The following PIK3C2A variants were observed in gnomAD, a reference collection of about 807,000 sequenced individuals.
PIK3C2A encodes phosphatidylinositol 4-phosphate 3-kinase C2 domain-containing subunit alpha.
In PIK3C2A, 97 loss-of-function variants were observed where a neutral mutation model predicts 204.5. The ratio of observed to expected loss-of-function variants is 0.47; its 90% CI spans 0.40 to 0.56. PIK3C2A has a LOEUF of 0.56. PIK3C2A is among the 20% of genes least tolerant of loss of function. The pLI, the probability that PIK3C2A is intolerant of heterozygous loss-of-function variation, is 0.00. For missense variants in PIK3C2A, 1,735 were observed against 1,969.2 expected (o/e 0.88, Z 2.25); for synonymous variants, 653 against 664.4 (o/e 0.98, Z 0.26).
chr11:17,134,607 C>T (rs1019011957), intron 11 of PIK3C2A, among the ~76,000 whole-genome samples: 1 of 152,068 alleles, frequency 6.6e-6, no homozygotes, highest in African/African-American at 2.4e-5. Context: ...GTGATCCACC[C>T]GCTTCAGCCT....
chr11:17,095,450 G>GCC (rs935049352), intron 27 of PIK3C2A, among the ~76,000 whole-genome samples: 47 of 150,516 alleles, frequency 3.1e-4, no homozygotes, highest in African/African-American at 1.1e-3. Flanking sequence ...AATGAGCCGG[G>GCC]CGTGGTGGTG....
chr11:17,159,900 G>C (rs1335213127), intron 2 of PIK3C2A, among the ~76,000 whole-genome samples: 2 of 152,168 alleles, frequency 1.3e-5, no homozygotes, highest in Non-Finnish European at 2.9e-5. Flanking sequence ...CAGCTTCAAA[G>C]CAGTCAAGCA....
chr11:17,115,023 T>C (rs1008267173), intron 19 of PIK3C2A, among the ~76,000 whole-genome samples: 3 of 152,184 alleles, frequency 2.0e-5, no homozygotes, highest in Non-Finnish European at 2.9e-5. Flanking sequence ...ATAGAGGTAA[T>C]AGTTTATAAT....
chr11:17,162,110 T>C (rs1800090412), intron 2 of PIK3C2A, among the ~76,000 whole-genome samples: 1 of 151,938 alleles, frequency 6.6e-6, no homozygotes, highest in Non-Finnish European at 1.5e-5. Flanking sequence ...CTGAGGTGGG[T>C]GGATCACCTG....
At chr11:17,102,530 A>T in intron 24 of PIK3C2A, 132 bp downstream of exon 24, 2 of 655,132 alleles carry the variant, frequency 3.1e-6, no homozygotes, top group Non-Finnish European at 5.4e-6. Context: ...TGGTATGGTC[A>T]TATCTTTGGG....
chr11:17,138,278 T>C, intron 8 of PIK3C2A: 1 of 716,944 alleles, frequency 1.4e-6, no homozygotes, highest in Non-Finnish European at 2.5e-6. Flanking sequence ...TAGGAAAGCC[T>C]ATGAGGATAT....
chr11:17,089,999 G>A (rs1848257047), intron 32 of PIK3C2A, 79 bp from the exon 33 acceptor site: 1 of 1,066,260 alleles, frequency 9.4e-7, no homozygotes, highest in Admixed American at 2.2e-5. Context: ...GTGAAAACGT[G>A]AGAATATTAG....
chr11:17,204,640 C>A (rs1013092014), intron 1 of PIK3C2A, among the ~76,000 whole-genome samples: 1 of 152,098 alleles, frequency 6.6e-6, no homozygotes, highest in Admixed American at 6.6e-5. Context: ...CGTTGTCTTC[C>A]AAATGGATGA....
At chr11:17,200,186 A>G (rs562169514) in intron 1 of PIK3C2A, among the ~76,000 whole-genome samples, 4 of 86,158 alleles carry the variant, frequency 4.6e-5, no homozygotes, top group Admixed American at 3.7e-4. Context: ...ACTGCATTTC[A>G]AAAAAAAAAA....
intron 8 of PIK3C2A, among the ~76,000 whole-genome samples, chr11:17,145,025 C>T (rs1167614003): frequency 6.6e-6 from 1 of 151,710 alleles, no homozygotes; most frequent in African/African-American, 2.4e-5. Flanking sequence ...GCTGTATTTA[C>T]CCCACGCCTG....
At chr11:17,109,495 G>A (rs1448798925) in intron 22 of PIK3C2A, among the ~76,000 whole-genome samples, 1 of 152,162 alleles carries the variant, frequency 6.6e-6, no homozygotes. Flanking sequence ...GCTATTAGTA[G>A]AAAATAACTT....
intron 4 of PIK3C2A, among the ~76,000 whole-genome samples, chr11:17,150,136 G>A (rs1850380303): frequency 6.6e-6 from 1 of 152,124 alleles, no homozygotes; most frequent in African/African-American, 2.4e-5. Context: ...CTTCTCCACA[G>A]AAGAACTTAG....
Position 17,086,662 on chromosome 11 carries a change from AT to A in PIK3C2A, c.*3075del, listed in dbSNP as rs2137248983. Reference sequence around the variant, plus strand: ...GAATATATTCAAGGTATTAATAAAAATATTATACATCTTTATTCACTATCTT... The same window carrying A: ...GAATATATTCAAGGTATTAATAAAAAATTATACATCTTTATTCACTATCTT... On this transcript the variant is annotated 3_prime_UTR_variant, in exon 33 of 33. Transcript: ENST00000691414. 6.6e-6 allele frequency: 1 copy of A among 152,344 alleles called. No homozygotes were observed. Among genetic ancestry groups the A allele is most frequent in the South Asian group, 2.1e-4 (1 of 4,832 alleles). The allele number at this position is 152,344 out of a possible 1,614,324, so 9.4% of individuals were successfully genotyped here.
In PIK3C2A at chr11:17,094,216, G is replaced by A. The variant is rs764512776; in HGVS notation, c.4451+45C>T. On this transcript the variant is annotated intron_variant, in intron 28 of 32. Transcript: ENST00000691414. ...GCTTTCTACCTACATTTGATAACAA[G>A]TTGTTTCCTACAAAAAGGATTAATG... 5.4e-6 allele frequency: 8 copies of A among 1,472,000 alleles called. No homozygotes were observed. The South Asian group carries it at 9.7e-5, about 18-fold the overall frequency. 91.2% of individuals were successfully genotyped at this position (1,472,000 alleles called of 1,614,324 possible).
At chr11:17,166,953 G>C (rs1329380902) in intron 2 of PIK3C2A, among the ~76,000 whole-genome samples, 1 of 152,100 alleles carries the variant, frequency 6.6e-6, no homozygotes, top group African/African-American at 2.4e-5. Flanking sequence ...AAATTAGGGG[G>C]ACCAGTGCCT....
Position 17,150,512 on chromosome 11 carries a change from G to C in PIK3C2A, c.1313C>G (p.Thr438Ser). ...IDIEGFQLPV[T>S]FTCDVSSTVE... ...CATAAACCTACCATCACACGTAAAA[G>C]TAACTGGTAGCTGAAATCCTTCAAT... Residue 438 changes from threonine to serine, a missense_variant, in exon 4 of 33, where the codon ACT becomes AGT. By Grantham distance (58) the Thr-to-Ser change is moderately conservative. Coordinates refer to ENST00000691414, the MANE Select transcript of PIK3C2A (RefSeq NM_002645.4). The C allele has an allele frequency of 6.2e-7, 1 of 1,604,790 alleles. No homozygotes were observed. Among genetic ancestry groups the C allele is most frequent in the Non-Finnish European group, 8.5e-7 (1 of 1,175,914 alleles).
Position 17,169,449 on chromosome 11 carries a change from G to C in PIK3C2A, c.293C>G (p.Ala98Gly). The change falls in exon 2 of 33, where the codon GCT becomes GGT. Residue 98 changes from alanine (A) to glycine (G), a missense_variant. Around this residue, in one of 6 missense-constraint regions of PIK3C2A, gnomAD observed 536 missense variants for 546.7 expected, o/e 0.98. Transcript: ENST00000691414. ...LDIDVEKLTQ[A>G]ELEKLLLDDS... Reference sequence around the variant, plus strand: ...ATCCAGCAATAGTTTCTCAAGTTCAGCTTGGGTGAGCTTTTCTACATCAAT... The same window carrying C: ...ATCCAGCAATAGTTTCTCAAGTTCACCTTGGGTGAGCTTTTCTACATCAAT... 6.2e-7 allele frequency: 1 copy of C among 1,614,110 alleles called. No homozygotes were observed. Among genetic ancestry groups the C allele is most frequent in the Admixed American group, 1.7e-5 (1 of 60,020 alleles).
chr11:17,126,328 G>T (rs1163803061), intron 13 of PIK3C2A, among the ~76,000 whole-genome samples: 2 of 152,050 alleles, frequency 1.3e-5, no homozygotes, highest in Admixed American at 6.6e-5. Context: ...ATGGCGGGAA[G>T]ATGGATCACT....
At chr11:17,109,250 C>T (rs1050324563) in intron 22 of PIK3C2A, among the ~76,000 whole-genome samples, 1 of 152,180 alleles carries the variant, frequency 6.6e-6, no homozygotes, top group East Asian at 1.9e-4. Flanking sequence ...GCCTTTACAA[C>T]TTTTAGAGCT....
Sources: gnomAD v4.1 joint callset for allele counts (sites outside exome capture counted in the v4.1 genomes callset) on GRCh38, gnomAD v4.1.1 for gene constraint, gnomAD v4.1.1 regional missense constraint, MANE v1.5 for transcripts, NCBI Gene and HGNC (gene_info 2026-07-23, HGNC 2026-07-21) for gene names.